The following ZIM2 variants were observed in gnomAD, a reference collection of about 807,000 sequenced individuals.
ZIM2 encodes the protein zinc finger protein 656.
Under a neutral mutation model 38.6 loss-of-function variants are expected in ZIM2, and 14 were observed. The ratio of observed to expected loss-of-function variants is 0.36; its 90% CI spans 0.24 to 0.57. The LOEUF (loss-of-function observed/expected upper bound fraction) is 0.57, where lower values mean the gene tolerates loss of function less well. Ranked by LOEUF, ZIM2 falls within the 20% of genes least tolerant of loss-of-function variation. The pLI is 0.81. For missense variants in ZIM2, 680 were observed against 695.1 expected (o/e 0.98, Z 0.24); for synonymous variants, 247 against 245.8 (o/e 1.00, Z -0.04).
At chr19:56,789,770 T>G in intron 10 of ZIM2, 102 bp downstream of exon 10, 1 of 1,033,574 alleles carries the variant, frequency 9.7e-7, no homozygotes, top group Non-Finnish European at 1.3e-6. Flanking sequence ...TATAAAAACT[T>G]AATGGAAATG....
At chr19:56,839,075 C>T (rs949274767) in intron 1 of ZIM2, among the ~76,000 whole-genome samples, 3 of 149,554 alleles carry the variant, frequency 2.0e-5, no homozygotes, top group African/African-American at 7.4e-5. Context: ...GGCCTTGTCT[C>T]GCCCAACCAA....
intron 2 of ZIM2, among the ~76,000 whole-genome samples, chr19:56,828,528 C>T (rs577483764): frequency 3.9e-5 from 6 of 152,218 alleles, no homozygotes; most frequent in South Asian, 2.1e-4. Flanking sequence ...AATGCTCAAG[C>T]GTAATTCCAA....
intron 9 of ZIM2, chr19:56,813,387 T>A: frequency 8.3e-7 from 1 of 1,205,750 alleles, no homozygotes; most frequent in Non-Finnish European, 1.0e-6. Context: ...GGGCAAACTC[T>A]GTAGTCTGGA....
At chr19:56,826,531 A>G (rs2061049413) in intron 2 of ZIM2, 68 bp from the exon 3 acceptor site, 1 of 152,274 alleles carries the variant, frequency 6.6e-6, no homozygotes, top group South Asian at 2.1e-4. Flanking sequence ...GGAGTGTCAG[A>G]GAATTAACTC....
At chr19:56,804,543 CATGCTT>C (rs2047670155) in intron 9 of ZIM2, among the ~76,000 whole-genome samples, 1 of 152,360 alleles carries the variant, frequency 6.6e-6, no homozygotes, top group East Asian at 1.9e-4. Flanking sequence ...TCCTCTTCTA[CATGCTT>C]GACGTACTAT....
At chr19:56,833,643 C>G (rs1450162596) in intron 2 of ZIM2, 1 of 174,904 alleles carries the variant, frequency 5.7e-6, no homozygotes, top group African/African-American at 2.4e-5. Flanking sequence ...ACGGAGCTAC[C>G]TTTCCAGGTG....
Position 56,787,078 on chromosome 19 carries a change from C to T in ZIM2, c.570+2794G>A, listed in dbSNP as rs1336230592. On this transcript the variant is annotated intron_variant, in intron 10 of 12. Transcript: ENST00000629319. ...CTTCAACTCCTGACCTAAGGTGATC[C>T]GCCTGCCTTGGCCTCCCAAAGTGCT... 8.6e-5 allele frequency among the ~76,000 whole-genome samples: 13 copies of T among 152,044 alleles called. No individual in the cohort carries two copies. The East Asian group carries it at 1.4e-3, about 16-fold the overall frequency.
intron 6 of ZIM2, 65 bp from the exon 7 acceptor site, chr19:56,821,819 C>G (rs1481148691): frequency 1.9e-6 from 3 of 1,573,210 alleles, no homozygotes; most frequent in Admixed American, 1.7e-5. Context: ...CCAGGTTTGT[C>G]CCACTCAACT....
intron 10 of ZIM2, among the ~76,000 whole-genome samples, chr19:56,786,398 C>T (rs16987481): frequency 0.01 from 1,545 of 152,120 alleles, 24 homozygotes; most frequent in African/African-American, 0.035. Flanking sequence ...AGCCTGACAC[C>T]GGTAGACGTT....
intron 9 of ZIM2, among the ~76,000 whole-genome samples, chr19:56,804,694 T>G (rs768688545): frequency 3.3e-5 from 5 of 152,204 alleles, no homozygotes; most frequent in Admixed American, 6.5e-5. Flanking sequence ...GGGTTAGGAT[T>G]AGAAGTGTGC....
chr19:56,807,790 C>CA (rs34097958), intron 9 of ZIM2, among the ~76,000 whole-genome samples: 11,271 of 138,756 alleles, frequency 0.081, 1,266 homozygotes, highest in African/African-American at 0.27. Flanking sequence ...GACCTTGTCT[C>CA]AAAAAAAAAA....
chr19:56,815,618 T>C (rs1471888659), intron 9 of ZIM2: 2 of 1,614,176 alleles, frequency 1.2e-6, no homozygotes, highest in East Asian at 2.2e-5. Context: ...CTATGCTCAA[T>C]GTATTTCTTT....
chr19:56,817,866 A>T, intron 8 of ZIM2, 28 bp from the exon 9 acceptor site: 1 of 1,580,776 alleles, frequency 6.3e-7, no homozygotes, highest in Non-Finnish European at 8.7e-7. Flanking sequence ...ATGATGCCTC[A>T]AATTCAAGTT....
intron 9 of ZIM2, among the ~76,000 whole-genome samples, chr19:56,795,261 G>A (rs896992072): frequency 6.6e-6 from 1 of 152,196 alleles, no homozygotes; most frequent in Non-Finnish European, 1.5e-5. Flanking sequence ...AGGGCAGTCA[G>A]ACGCAGCCCT....
intron 9 of ZIM2, chr19:56,793,044 T>G (rs1168594563): frequency 1.3e-5 from 2 of 152,760 alleles, no homozygotes; most frequent in Admixed American, 6.5e-5. Context: ...CCATGGTTCC[T>G]GCCTCTTTGC....
intron 9 of ZIM2, among the ~76,000 whole-genome samples, chr19:56,794,773 T>G (rs2047110108): frequency 6.6e-6 from 1 of 152,184 alleles, no homozygotes; most frequent in Admixed American, 6.5e-5. Context: ...TTACTGTCAC[T>G]CTCTTGAAAT....
intron 9 of ZIM2, among the ~76,000 whole-genome samples, chr19:56,793,717 T>C (rs939826491): frequency 2.0e-5 from 3 of 152,106 alleles, no homozygotes; most frequent in African/African-American, 4.8e-5. Flanking sequence ...ATACCAAGTG[T>C]TGACAAGGAT....
Position 56,810,190 on chromosome 19 carries a change from C to G in ZIM2, c.490+7556G>C, listed in dbSNP as rs891969299. The stretch of plus-strand genomic sequence containing the variant: ...CAGAAACAAGATGAAGAAAATATAT[C>G]AAGATGTTAACCACACTCTTTGGAT... On this transcript the variant is annotated intron_variant, in intron 9 of 12. Transcript: ENST00000629319. 6.1e-6 allele frequency: 6 copies of G among 980,556 alleles called. No individual in the cohort carries two copies. In the African/African-American group the frequency reaches 1.1e-4, roughly 17 times the overall value. The allele number at this position is 980,556 out of a possible 1,614,324, so 60.7% of individuals were successfully genotyped here.
chr19:56,821,941 C>T (rs1026278251), intron 6 of ZIM2, among the ~76,000 whole-genome samples, 187 bp from the exon 7 acceptor site: 1 of 151,922 alleles, frequency 6.6e-6, no homozygotes, highest in Non-Finnish European at 1.5e-5. Context: ...ACAACCCAGA[C>T]CCAGGGCAGG....
Sources: gnomAD v4.1 joint callset for allele counts (sites outside exome capture counted in the v4.1 genomes callset) on GRCh38, gnomAD v4.1.1 for gene constraint, MANE v1.5 for transcripts, NCBI Gene and HGNC (gene_info 2026-07-23, HGNC 2026-07-21) for gene names.